Variants in HERC3 observed in about 807,000 individuals in gnomAD.
HERC3 encodes the protein HECT and RLD domain containing E3 ubiquitin protein ligase 3.
Under a neutral mutation model 129.9 loss-of-function variants are expected in HERC3, and 58 were observed. The observed-to-expected ratio is 0.45, with a 90% CI of 0.36 to 0.56. HERC3 has a LOEUF of 0.56. HERC3 is among the 20% of genes least tolerant of loss of function. The pLI is 0.00. For synonymous variants in HERC3, 430 were observed against 451.0 expected, an observed-to-expected ratio of 0.95 and a Z score of 0.59; for missense variants, 835 against 1,244.2, an observed-to-expected ratio of 0.67 and a Z score of 4.95.
intron 21 of HERC3, among the ~76,000 whole-genome samples, chr4:88,685,709 A>G (rs898575702): frequency 1.2e-4 from 19 of 152,150 alleles, no homozygotes; most frequent in African/African-American, 4.3e-4. Flanking sequence ...TAGCACATGT[A>G]TACCTATGTA....
the HERC3 span, among the ~76,000 whole-genome samples, chr4:88,542,719 C>T: frequency 6.6e-6 from 1 of 152,202 alleles, no homozygotes; most frequent in Non-Finnish European, 1.5e-5. Flanking sequence ...TCCAGCAGCA[C>T]AGCAAAAAGC....
chr4:88,697,737 G>A, intron 23 of HERC3: 1 of 1,609,456 alleles, frequency 6.2e-7, no homozygotes, highest in South Asian at 1.1e-5. Context: ...CAGGCCCCTG[G>A]TTTTCCGAGT....
At chr4:88,629,630 A>G (rs1300912389) in intron 3 of HERC3, among the ~76,000 whole-genome samples, 1 of 152,372 alleles carries the variant, frequency 6.6e-6, no homozygotes, top group East Asian at 1.9e-4. Flanking sequence ...TGCCAGCCTT[A>G]AAGTTTGTAC....
intron 16 of HERC3, among the ~76,000 whole-genome samples, chr4:88,672,332 C>G (rs1731695857): frequency 6.6e-6 from 1 of 152,066 alleles, no homozygotes; most frequent in Admixed American, 6.6e-5. Context: ...TCTTGAATAA[C>G]AGATGCTCAT....
the HERC3 span, among the ~76,000 whole-genome samples, chr4:88,559,072 TAGAC>T: frequency 4.6e-5 from 7 of 152,126 alleles, no homozygotes; most frequent in Admixed American, 6.6e-5. Flanking sequence ...TATTGATAGA[TAGAC>T]AGTAAAAAGC....
chr4:88,670,997 T>C (rs996112647), intron 16 of HERC3, among the ~76,000 whole-genome samples: 1 of 151,846 alleles, frequency 6.6e-6, no homozygotes, highest in African/African-American at 2.4e-5. Flanking sequence ...CCCCTTCTGA[T>C]TGAGAATTAT....
At position 88,636,466 on chromosome 4, in the gene HERC3, C is replaced by T. The variant is rs575577532; in HGVS notation, c.227-13374C>T. ...GCTAACTATCCTAAATATATATGCA[C>T]CCAGTATGGGAGCACCCAGATTCAT... On this transcript the variant is annotated intron_variant, in intron 3 of 25. Coordinates refer to ENST00000402738, the MANE Select transcript of HERC3 (RefSeq NM_014606.3). 9.2e-5 allele frequency among the ~76,000 whole-genome samples: 14 copies of T among 152,286 alleles called. No homozygotes were observed. The East Asian group carries it at 2.7e-3, about 29-fold the overall frequency.
chr4:88,687,621 G>A (rs191665527), intron 23 of HERC3, among the ~76,000 whole-genome samples: 1 of 152,296 alleles, frequency 6.6e-6, no homozygotes, highest in African/African-American at 2.4e-5. Flanking sequence ...TCATGGGATG[G>A]TTGTGAGAAT....
the HERC3 span, among the ~76,000 whole-genome samples, chr4:88,556,597 A>G: frequency 6.6e-6 from 1 of 152,106 alleles, no homozygotes; most frequent in East Asian, 1.9e-4. Flanking sequence ...TCTTCATCCT[A>G]GCCTTTACTT....
At chr4:88,692,121 A>G (rs903547311) in intron 23 of HERC3, among the ~76,000 whole-genome samples, 32 of 152,218 alleles carry the variant, frequency 2.1e-4, no homozygotes, top group Non-Finnish European at 5.9e-5. Context: ...TCATAGACAA[A>G]TCTTGCCACC....
chr4:88,682,484 C>A (rs1367686662), intron 21 of HERC3, among the ~76,000 whole-genome samples: 2 of 141,974 alleles, frequency 1.4e-5, no homozygotes, highest in Admixed American at 7.0e-5. Flanking sequence ...CCCCCCACCC[C>A]ACAACAGGCC....
chr4:88,556,900 C>T, the HERC3 span, among the ~76,000 whole-genome samples: 1 of 152,002 alleles, frequency 6.6e-6, no homozygotes, highest in African/African-American at 2.4e-5. Context: ...TTGCCTTGGC[C>T]TCCCAAAGTG....
chr4:88,542,850 C>T, the HERC3 span, among the ~76,000 whole-genome samples: 2 of 152,296 alleles, frequency 1.3e-5, no homozygotes, highest in South Asian at 4.1e-4. Context: ...ACAATTTTCT[C>T]TATAGTTGCA....
chr4:88,549,765 C>T, the HERC3 span, among the ~76,000 whole-genome samples: 3 of 150,790 alleles, frequency 2.0e-5, no homozygotes, highest in East Asian at 3.9e-4. Flanking sequence ...AGTGCAGTGT[C>T]GCAATATTGG....
chr4:88,589,667 AAC>A (rs1185400787), upstream of HERC3, among the ~76,000 whole-genome samples: 3 of 152,222 alleles, frequency 2.0e-5, no homozygotes, highest in East Asian at 5.8e-4. Context: ...GCCTCTTCAA[AAC>A]AGTTTACGTA....
chr4:88,633,019 CAA>C (rs1403608054), intron 3 of HERC3, among the ~76,000 whole-genome samples: 1 of 152,130 alleles, frequency 6.6e-6, no homozygotes, highest in African/African-American at 2.4e-5. Context: ...TATAAGGAAA[CAA>C]TGATTCAGAA....
At chr4:88,532,846 A>G in the HERC3 span, among the ~76,000 whole-genome samples, 2 of 152,232 alleles carry the variant, frequency 1.3e-5, no homozygotes, top group African/African-American at 4.8e-5. Context: ...GGAGAGCTTG[A>G]GGAAGAGGCA....
chr4:88,539,286 C>G, the HERC3 span, among the ~76,000 whole-genome samples: 2 of 152,108 alleles, frequency 1.3e-5, no homozygotes, highest in East Asian at 3.9e-4. Context: ...CCTGGCTCTG[C>G]GGGTCCCATG....
chr4:88,653,168 G>T, intron 6 of HERC3, 78 bp downstream of exon 6: 2 of 1,379,690 alleles, frequency 1.4e-6, no homozygotes, highest in Admixed American at 3.7e-5. Flanking sequence ...GATCTACTAT[G>T]TGCTAGCCCC....
Sources: gnomAD v4.1 joint callset for allele counts (sites outside exome capture counted in the v4.1 genomes callset) on GRCh38, gnomAD v4.1.1 for gene constraint, MANE v1.5 for transcripts, NCBI Gene and HGNC (gene_info 2026-07-23, HGNC 2026-07-21) for gene names.